The following CNTNAP2 variants were observed in gnomAD, a reference collection of about 807,000 sequenced individuals.
The protein encoded by CNTNAP2 is contactin-associated protein-like 2.
In CNTNAP2, 98 loss-of-function variants were observed where a neutral mutation model predicts 155.2. The observed-to-expected ratio is 0.63, with a 90% CI of 0.54 to 0.75. CNTNAP2 has a LOEUF of 0.75. CNTNAP2 is among the 30% of genes least tolerant of loss of function. The pLI is 0.00. For missense variants in CNTNAP2, 1,727 were observed against 1,688.1 expected (o/e 1.02, Z -0.40); for synonymous variants, 651 against 631.2 (o/e 1.03, Z -0.47).
intron 2 of CNTNAP2, among the ~76,000 whole-genome samples, chr7:146,787,230 A>T (rs964888687): frequency 6.6e-6 from 1 of 152,178 alleles, no homozygotes; most frequent in Non-Finnish European, 1.5e-5. Flanking sequence ...AGTTAAAATC[A>T]CGTGCTTCTG....
At chr7:147,790,949 TA>T (rs1211118565) in intron 13 of CNTNAP2, among the ~76,000 whole-genome samples, 1 of 152,238 alleles carries the variant, frequency 6.6e-6, no homozygotes, top group Non-Finnish European at 1.5e-5. Context: ...TTTCCTGTAA[TA>T]TTCTCATTTT....
chr7:147,174,395 A>G (rs1205812098), intron 8 of CNTNAP2, among the ~76,000 whole-genome samples: 1 of 152,184 alleles, frequency 6.6e-6, no homozygotes, highest in Non-Finnish European at 1.5e-5. Flanking sequence ...GTAGTTTCAA[A>G]GCACAGATCA....
intron 16 of CNTNAP2, 71 bp downstream of exon 16, chr7:148,118,359 G>A (rs957158678): frequency 3.3e-6 from 5 of 1,513,812 alleles, no homozygotes; most frequent in African/African-American, 1.4e-5. Flanking sequence ...GGTCCTGATT[G>A]TGGAAGGCCT....
chr7:148,209,682 C>T (rs147616340), intron 18 of CNTNAP2, among the ~76,000 whole-genome samples: 6 of 152,310 alleles, frequency 3.9e-5, no homozygotes, highest in African/African-American at 1.2e-4. Flanking sequence ...CCTCTTTTCT[C>T]TTTCCAATGC....
intron 3 of CNTNAP2, among the ~76,000 whole-genome samples, chr7:146,956,736 G>A (rs1006939852): frequency 4.6e-5 from 7 of 152,194 alleles, no homozygotes; most frequent in African/African-American, 1.7e-4. Flanking sequence ...GCTTGTAAGC[G>A]ACTAAATGGC....
rs142777709 is a variant in CNTNAP2, at chr7:146,809,464, C to T, written c.209-30247C>T. On this transcript the variant is annotated intron_variant, in intron 2 of 23. Coordinates refer to ENST00000361727, the MANE Select transcript of CNTNAP2 (RefSeq NM_014141.6). ...GCAAACTCAACCTCTCAGGTTCAAG[C>T]GATTCTCTTTCCTCAGCCTCCAGGG... is the stretch of plus-strand genomic sequence containing the variant. Among the ~76,000 whole-genome samples the T allele has an allele frequency of 9.0e-4, 137 of 152,138 alleles. 2 individuals are homozygous for T. In the East Asian group the frequency reaches 0.022, roughly 25 times the overall value.
intron 12 of CNTNAP2, among the ~76,000 whole-genome samples, chr7:147,589,119 A>G (rs745972077): frequency 5.9e-5 from 9 of 152,288 alleles, no homozygotes; most frequent in Non-Finnish European, 1.0e-4. Context: ...ATTTTATAGA[A>G]TCTTAGACAT....
intron 1 of CNTNAP2, among the ~76,000 whole-genome samples, chr7:146,682,841 A>G (rs1022446578): frequency 1.4e-4 from 22 of 152,190 alleles, no homozygotes; most frequent in African/African-American, 4.8e-4. Flanking sequence ...TTTGTACCCA[A>G]TGTATTATAA....
At chr7:146,921,764 G>A (rs969257864) in intron 3 of CNTNAP2, among the ~76,000 whole-genome samples, 6 of 152,104 alleles carry the variant, frequency 3.9e-5, no homozygotes, top group Admixed American at 6.6e-5. Context: ...ACCATTTCAG[G>A]TGGCCTGAGT....
chr7:147,507,550 CT>C (rs3052511), intron 11 of CNTNAP2, among the ~76,000 whole-genome samples: 175 of 81,960 alleles, frequency 2.1e-3, no homozygotes, highest in Middle Eastern at 0.011. Flanking sequence ...CTCTTTCTTT[CT>C]TTTTTTTTTT....
At chr7:147,235,434 C>A (rs1041653179) in intron 8 of CNTNAP2, among the ~76,000 whole-genome samples, 3 of 151,366 alleles carry the variant, frequency 2.0e-5, no homozygotes, top group East Asian at 2.0e-4. Flanking sequence ...CTCTGAAGAA[C>A]CCTGACTAAT....
chr7:148,414,223 C>T (rs1046523465), intron 23 of CNTNAP2, among the ~76,000 whole-genome samples: 33 of 151,608 alleles, frequency 2.2e-4, no homozygotes, highest in Non-Finnish European at 1.2e-4. Context: ...ATCACAGGAG[C>T]GTGCCACCAT....
At chr7:147,679,555 G>A (rs1298513285) in intron 13 of CNTNAP2, among the ~76,000 whole-genome samples, 5 of 151,790 alleles carry the variant, frequency 3.3e-5, no homozygotes. Flanking sequence ...AATAAAAATA[G>A]GCAATATGTT....
chr7:147,335,976 A>G (rs1464038354), intron 9 of CNTNAP2, among the ~76,000 whole-genome samples: 4 of 152,164 alleles, frequency 2.6e-5, no homozygotes, highest in African/African-American at 7.2e-5. Context: ...GATGAGTGAG[A>G]TGGACTAAGC....
chr7:146,574,411 A>T (rs1798490882), intron 1 of CNTNAP2, among the ~76,000 whole-genome samples: 1 of 152,218 alleles, frequency 6.6e-6, no homozygotes, highest in Admixed American at 6.5e-5. Context: ...TCATACATAC[A>T]AAACAATTAG....
chr7:147,981,819 T>TGTGTGG (rs1404450002), intron 15 of CNTNAP2, among the ~76,000 whole-genome samples: 2 of 113,678 alleles, frequency 1.8e-5, no homozygotes, highest in African/African-American at 6.6e-5. Flanking sequence ...GTGTGTGTGG[T>TGTGTGG]TTTTTTTTTC....
intron 1 of CNTNAP2, among the ~76,000 whole-genome samples, chr7:146,728,624 A>C (rs1027337747): frequency 5.4e-4 from 81 of 150,946 alleles, no homozygotes; most frequent in Admixed American, 3.3e-3. Context: ...AAAAAAAAAA[A>C]ACGAAACAAC....
intron 9 of CNTNAP2, among the ~76,000 whole-genome samples, chr7:147,392,792 A>T (rs753252355): frequency 6.6e-6 from 1 of 152,058 alleles, no homozygotes; most frequent in Non-Finnish European, 1.5e-5. Context: ...AACCAGCTCA[A>T]ATGCTCATCA....
At chr7:146,837,883 G>C (rs1226473436) in intron 2 of CNTNAP2, among the ~76,000 whole-genome samples, 2 of 152,118 alleles carry the variant, frequency 1.3e-5, no homozygotes, top group Non-Finnish European at 2.9e-5. Flanking sequence ...TGTCTAGTCT[G>C]AAATCAAATT....
Sources: gnomAD v4.1 joint callset for allele counts (sites outside exome capture counted in the v4.1 genomes callset) on GRCh38, gnomAD v4.1.1 for gene constraint, MANE v1.5 for transcripts, NCBI Gene and HGNC (gene_info 2026-07-23, HGNC 2026-07-21) for gene names.